The following MGST1 variants were observed in gnomAD, a reference collection of about 807,000 sequenced individuals.
MGST1 encodes the protein microsomal glutathione S-transferase 1.
A neutral mutation model predicts 8.9 loss-of-function variants in MGST1; 5 were observed. The ratio of observed to expected loss-of-function variants is 0.56; its 90% CI spans 0.29 to 1.19. The LOEUF (loss-of-function observed/expected upper bound fraction) is 1.19. Ranked by LOEUF, MGST1 falls within the 50% of genes most tolerant of loss-of-function variation. The pLI is 0.08. For synonymous variants in MGST1, 54 were observed against 67.8 expected (o/e 0.80, Z 1.00); for missense variants, 182 against 187.4 (o/e 0.97, Z 0.17).
rs1248953010 is a variant in MGST1 at position 16,401,976 on chromosome 12, C to T, written n.778+18372C>T. On this transcript the variant is annotated intron_variant and non_coding_transcript_variant, in intron 1 of 1. Transcript: ENST00000359720. This position sits in a 1 kb window ranked among gnomAD's most constrained non-coding sequence, Gnocchi z 4.3. ...TTCTTTGTTGAGGCAGTCATTCCAGCTCTTCATGAACTCTCCAGGGAATTT... is the reference window on the plus strand; with the variant it reads ...TTCTTTGTTGAGGCAGTCATTCCAGTTCTTCATGAACTCTCCAGGGAATTT... 4 of 1,612,150 alleles carry T rather than the reference C, an allele frequency of 2.5e-6. No individual in the cohort carries two copies. The African/African-American group carries it at 5.3e-5, about 22-fold the overall frequency.
chr12:16,574,951 A>G (rs1270391382), intron 4 of MGST1, among the ~76,000 whole-genome samples: 1 of 152,168 alleles, frequency 6.6e-6, no homozygotes, highest in Admixed American at 6.5e-5. Flanking sequence ...CTCCCTACAT[A>G]AGGCACCTCC....
chr12:16,390,671 A>G (rs2216206), intron 1 of MGST1, among the ~76,000 whole-genome samples: 12,078 of 152,250 alleles, frequency 0.079, 589 homozygotes, highest in East Asian at 0.22. Context: ...ACATCATTCC[A>G]TGGTGTATAT....
downstream of MGST1, among the ~76,000 whole-genome samples, chr12:16,379,649 A>C (rs1362239829): frequency 6.6e-6 from 1 of 152,202 alleles, no homozygotes; most frequent in African/African-American, 2.4e-5. Flanking sequence ...TATCAGGATG[A>C]TGCTGGCCTC....
At chr12:16,514,212 C>G (rs1204323232) in intron 4 of MGST1, 1 of 308,420 alleles carries the variant, frequency 3.2e-6, no homozygotes, top group Non-Finnish European at 6.4e-6. Flanking sequence ...AATCATACAC[C>G]AAGAACATGG....
chr12:16,504,073 C>T (rs966245696), intron 4 of MGST1, among the ~76,000 whole-genome samples: 1 of 152,132 alleles, frequency 6.6e-6, no homozygotes. Flanking sequence ...TTGGGGCTTG[C>T]CTCCCCTGTG....
rs1406289298 is a variant in MGST1, at chr12:16,537,324, G to T, written n.483-52204G>T. Among the ~76,000 whole-genome samples, 4 of 152,186 alleles carry T rather than the reference G, an allele frequency of 2.6e-5. No homozygotes were observed. The highest frequency in any genetic ancestry group is 4.4e-5 in the Non-Finnish European group (3 of 68,028). On this transcript the variant is annotated intron_variant and non_coding_transcript_variant, in intron 4 of 4. Coordinates refer to the MGST1 transcript ENST00000538857. This position sits in a 1 kb window ranked among gnomAD's most constrained non-coding sequence, Gnocchi z 4.6. ...TGGGCAACTCCACCCCTATGGCTTTGCAGGGTACAGCCCCTCTCCTGGCTG... is the reference window on the plus strand; with the variant it reads ...TGGGCAACTCCACCCCTATGGCTTTTCAGGGTACAGCCCCTCTCCTGGCTG...
In MGST1 at chr12:16,511,875, G is replaced by T. The variant is rs192853445; in HGVS notation, n.483-77653G>T. Among the ~76,000 whole-genome samples, 26 of 152,264 alleles carry T rather than the reference G, an allele frequency of 1.7e-4. No individual in the cohort carries two copies. In the East Asian group the frequency reaches 4.6e-3, roughly 27 times the overall value. Reference sequence around the variant, plus strand: ...TGCTAATATCCACTCTGGACTAGCTGAGATCACCAATTTCATTTCTCTTGT... The same window carrying T: ...TGCTAATATCCACTCTGGACTAGCTTAGATCACCAATTTCATTTCTCTTGT... On this transcript the variant is annotated intron_variant and non_coding_transcript_variant, in intron 4 of 4. Transcript: ENST00000538857.
chr12:16,443,314 G>A (rs372934671), downstream of MGST1, among the ~76,000 whole-genome samples: 6 of 151,710 alleles, frequency 4.0e-5, no homozygotes, highest in African/African-American at 1.2e-4. Context: ...TTGTGTTTTA[G>A]TAGGAATGTT....
intron 4 of MGST1, among the ~76,000 whole-genome samples, chr12:16,583,877 G>A (rs1943240357): frequency 6.6e-6 from 1 of 152,144 alleles, no homozygotes; most frequent in Non-Finnish European, 1.5e-5. Context: ...AGTCTTAAAG[G>A]TTTGACCAAA....
chr12:16,383,806 G>A (rs1175092809), intron 1 of MGST1, among the ~76,000 whole-genome samples: 1 of 152,132 alleles, frequency 6.6e-6, no homozygotes, highest in Non-Finnish European at 1.5e-5. Flanking sequence ...GCCATGTGGG[G>A]ACAATATCAT....
chr12:16,475,709 A>AT (rs1260000998), intron 4 of MGST1, among the ~76,000 whole-genome samples: 2 of 152,188 alleles, frequency 1.3e-5, no homozygotes, highest in Admixed American at 1.3e-4. Context: ...TTCTGGAATG[A>AT]TTAGTGGCTC....
chr12:16,354,473 C>A (rs1565433925), intron 2 of MGST1, 95 bp downstream of exon 2: 4 of 1,213,088 alleles, frequency 3.3e-6, no homozygotes, highest in Non-Finnish European at 4.6e-6. Flanking sequence ...TGGTAAAGCC[C>A]AATAGCACAC....
At chr12:16,420,049 A>G (rs1490002222) in intron 1 of MGST1, among the ~76,000 whole-genome samples, 2 of 152,178 alleles carry the variant, frequency 1.3e-5, no homozygotes, top group African/African-American at 2.4e-5. Flanking sequence ...ATTTAGAAGA[A>G]AACATTTATG....
At chr12:16,539,089 T>C (rs754150087) in intron 4 of MGST1, among the ~76,000 whole-genome samples, 1 of 152,182 alleles carries the variant, frequency 6.6e-6, no homozygotes, top group Non-Finnish European at 1.5e-5. Flanking sequence ...GTGGGAATTA[T>C]GGGAGTACAA....
chr12:16,506,872 T>C (rs1941541086), intron 4 of MGST1, among the ~76,000 whole-genome samples: 1 of 152,254 alleles, frequency 6.6e-6, no homozygotes, highest in African/African-American at 2.4e-5. Flanking sequence ...TAAACAAATA[T>C]GTTTTGAACA....
intron 1 of MGST1, among the ~76,000 whole-genome samples, chr12:16,398,012 T>C (rs1940620900): frequency 6.6e-6 from 1 of 151,806 alleles, no homozygotes; most frequent in Admixed American, 6.6e-5. Flanking sequence ...TTTCTCCATT[T>C]ACTTACATGT....
At position 16,389,317 on chromosome 12, in the gene MGST1, A is replaced by G. The variant is rs1232303268; in HGVS notation, n.778+5713A>G. Among the ~76,000 whole-genome samples the G allele has an allele frequency of 6.6e-6, 1 of 152,232 alleles. No homozygotes were observed. The highest frequency in any genetic ancestry group is 2.4e-5 in the African/African-American group (1 of 41,444). ...TATTGAGCCAGTTATTTGTAATGCA[A>G]GAGCACAACTTGCCTAAAAATAATG... On this transcript the variant is annotated intron_variant and non_coding_transcript_variant, in intron 1 of 1. Transcript: ENST00000359720. The surrounding 1 kb of genome is among the most constrained non-coding windows in gnomAD (Gnocchi z 4.6).
At chr12:16,499,597 G>A (rs1264492009) in intron 4 of MGST1, among the ~76,000 whole-genome samples, 2 of 151,892 alleles carry the variant, frequency 1.3e-5, no homozygotes, top group East Asian at 3.9e-4. Flanking sequence ...AAAGAGACAA[G>A]AAACAAAGTT....
At chr12:16,399,254 C>T in intron 1 of MGST1, 1 of 1,596,384 alleles carries the variant, frequency 6.3e-7, no homozygotes, top group South Asian at 1.1e-5. Context: ...AAGAAAGGAG[C>T]TCAGGGCCAA....
Sources: allele counts gnomAD v4.1 joint callset (sites outside exome capture counted in the v4.1 genomes callset), GRCh38; gene constraint gnomAD v4.1.1; non-coding constraint Gnocchi (gnomAD v3.1); transcripts MANE v1.5; gene names NCBI Gene and HGNC (gene_info 2026-07-23, HGNC 2026-07-21).